ZNF212: variants seen among roughly 807,000 people sequenced by gnomAD.
ZNF212 encodes Zinc finger protein C2H2-150.
In ZNF212, 32 loss-of-function variants were observed where a neutral mutation model predicts 47.3. The ratio of observed to expected loss-of-function variants is 0.68; its 90% CI spans 0.51 to 0.91. The LOEUF is 0.91. Ranked by LOEUF, ZNF212 falls within the 40% of genes least tolerant of loss-of-function variation. The probability of loss-of-function intolerance (pLI) is 0.00; values close to 1 mark genes in which losing one functional copy is unlikely to be tolerated. For missense variants in ZNF212, 555 were observed against 622.8 expected (o/e 0.89, Z 1.16); for synonymous variants, 242 against 253.8 (o/e 0.95, Z 0.44).
intron 1 of ZNF212, 167 bp downstream of exon 1, chr7:149,239,969 C>T (rs1796563707): frequency 3.8e-6 from 3 of 781,696 alleles, no homozygotes; most frequent in East Asian, 6.7e-5. Flanking sequence ...GTGCTCTGCC[C>T]TTTTTTCCCT....
In ZNF212 at chr7:149,244,097, G is replaced by A. The variant is rs1159272136; in HGVS notation, c.24+4295G>A. ...ATTACAGTCATGTGCCACCACACCC[G>A]GCTAATTTTGTATTTTTAGTAGAGA... On this transcript the variant is annotated intron_variant, in intron 1 of 4. Transcript: ENST00000335870. Among the ~76,000 whole-genome samples the A allele has an allele frequency of 3.3e-5, 5 of 151,914 alleles. No individual in the cohort carries two copies. In the South Asian group the frequency reaches 6.2e-4, roughly 19 times the overall value.
At position 149,250,549 on chromosome 7, in the gene ZNF212, G is replaced by T; in HGVS notation, c.414+1G>T. On this transcript the variant is annotated splice_donor_variant, in intron 2 of 4. Coordinates refer to ENST00000335870, the MANE Select transcript of ZNF212 (RefSeq NM_012256.4). LOFTEE classifies it high-confidence loss of function. ...GGGCAGCAAGGGGGAGGCCCCCAAG[G>T]TAGTCTCATTGAGGATTAAAAGTTA... The T allele has an allele frequency of 6.2e-7, 1 of 1,610,170 alleles. No homozygotes were observed. Among genetic ancestry groups the T allele is most frequent in the Non-Finnish European group, 8.5e-7 (1 of 1,177,992 alleles).
chr7:149,248,615 A>G (rs956567129), intron 1 of ZNF212, among the ~76,000 whole-genome samples: 6 of 152,240 alleles, frequency 3.9e-5, no homozygotes, highest in African/African-American at 1.4e-4. Context: ...TCTCACCTAC[A>G]TTCCTGTCTA....
chr7:149,254,742 T>C lies in ZNF212; in HGVS notation c.*327T>C. 3.2e-6 allele frequency: 1 copy of C among 313,254 alleles called. No individual in the cohort carries two copies. The allele number at this position is 313,254 out of a possible 1,614,324, so 19.4% of individuals were successfully genotyped here. A position where few individuals can be genotyped will look rare whatever the true frequency, so the allele number is the denominator to read the frequency against. On this transcript the variant is annotated 3_prime_UTR_variant, in exon 5 of 5. Coordinates refer to ENST00000335870, the MANE Select transcript of ZNF212 (RefSeq NM_012256.4). The surrounding 1 kb of genome is among the most constrained non-coding windows in gnomAD (Gnocchi z 4.5). ...TGGTTCCAGGGCTCGTCCCGGCATT[T>C]CATGTCTTCCCACGGGGTTGAGTCG... is the stretch of plus-strand genomic sequence containing the variant.
At chr7:149,243,458 AAGAG>A (rs1164187178) in intron 1 of ZNF212, among the ~76,000 whole-genome samples, 65 of 144,442 alleles carry the variant, frequency 4.5e-4, no homozygotes, top group Admixed American at 5.6e-4. Context: ...AAAAAAAAAA[AAGAG>A]AGAGAGAGAG....
intron 1 of ZNF212, among the ~76,000 whole-genome samples, chr7:149,242,027 T>C (rs1296418553): frequency 5.6e-5 from 8 of 143,176 alleles, no homozygotes; most frequent in East Asian, 2.0e-4. Flanking sequence ...TTTTCTTTTT[T>C]TTTTTTTTTT....
intron 3 of ZNF212, chr7:149,251,126 C>T: frequency 3.6e-6 from 1 of 279,766 alleles, no homozygotes; most frequent in South Asian, 4.1e-5. Context: ...ATGTCATATA[C>T]CCTATAGTGT....
At chr7:149,243,286 G>A (rs1195738746) in intron 1 of ZNF212, among the ~76,000 whole-genome samples, 1 of 151,936 alleles carries the variant, frequency 6.6e-6, no homozygotes, top group Non-Finnish European at 1.5e-5. Context: ...CCAGCTTCTT[G>A]GGAGGCTGAG....
Position 149,250,455 on chromosome 7 carries a change from G to A in ZNF212, c.321G>A (p.Leu107=), listed in dbSNP as rs1796736191. Residue 107 remains leucine (L), a synonymous_variant, in exon 2 of 5, where the codon CTG becomes CTA. Transcript: ENST00000335870. ...CCCTGCTGCAGGAGTATGGGCTACT[G>A]CAGAGGCGGCTGGAGAACGTGGAGA... ...LGTLLQEYGL[L]QRRLENVENL... is the part of the protein sequence containing the mutation. 3.1e-6 allele frequency: 5 copies of A among 1,614,138 alleles called. No homozygotes were observed. The highest frequency in any genetic ancestry group is 4.2e-6 in the Non-Finnish European group (5 of 1,180,030).
Position 149,255,542 on chromosome 7 carries a change from C to T in ZNF212, c.*1127C>T, listed in dbSNP as rs1796826637. On this transcript the variant is annotated 3_prime_UTR_variant, in exon 5 of 5. Transcript: ENST00000335870. The stretch of plus-strand genomic sequence containing the variant: ...AGTGGGCTCTGGGGTCATATGTGAA[C>T]ATCCCCTTGGATGATTTGCGGTTGC... 6.5e-6 allele frequency: 1 copy of T among 153,530 alleles called. No individual in the cohort carries two copies. Among genetic ancestry groups the T allele is most frequent in the Non-Finnish European group, 1.5e-5 (1 of 68,010 alleles). The allele number at this position is 153,530 out of a possible 1,614,324, so 9.5% of individuals were successfully genotyped here.
chr7:149,244,462 G>A (rs1432954490), intron 1 of ZNF212, among the ~76,000 whole-genome samples: 2 of 151,936 alleles, frequency 1.3e-5, no homozygotes, highest in African/African-American at 4.8e-5. Context: ...GCAGGAGCCC[G>A]TCACCACGCC....
rs1351673688 is a variant in ZNF212, at chr7:149,250,445, A to G, written c.311A>G (p.Tyr104Cys). The change falls in exon 2 of 5, where the codon TAT becomes TGT. Residue 104 changes from tyrosine (Y) to cysteine (C), a missense_variant. By Grantham distance (194) the Tyr-to-Cys change is radical. Coordinates refer to ENST00000335870, the MANE Select transcript of ZNF212 (RefSeq NM_012256.4). ...WAVLGTLLQE[Y>C]GLLQRRLENV... is the part of the protein sequence containing the mutation. ...GTGCTGGGGACCCTGCTGCAGGAGTATGGGCTACTGCAGAGGCGGCTGGAG... is the reference window on the plus strand; with the variant it reads ...GTGCTGGGGACCCTGCTGCAGGAGTGTGGGCTACTGCAGAGGCGGCTGGAG... The G allele has an allele frequency of 6.2e-7, 1 of 1,614,122 alleles. No individual in the cohort carries two copies. Among genetic ancestry groups the G allele is most frequent in the East Asian group, 2.2e-5 (1 of 44,888 alleles).
intron 3 of ZNF212, among the ~76,000 whole-genome samples, chr7:149,252,019 A>G (rs896028714): frequency 2.0e-5 from 3 of 151,998 alleles, no homozygotes; most frequent in African/African-American, 7.3e-5. Flanking sequence ...AGGCTGATCA[A>G]AAGCATTTTC....
intron 1 of ZNF212, 24 bp downstream of exon 1, chr7:149,239,826 C>A: frequency 7.9e-7 from 1 of 1,271,560 alleles, no homozygotes; most frequent in Non-Finnish European, 1.0e-6. Flanking sequence ...GGCGCGCTGG[C>A]TCGAGGGCGC....
chr7:149,253,270 A>G (rs1359361910), intron 4 of ZNF212, among the ~76,000 whole-genome samples: 2 of 152,316 alleles, frequency 1.3e-5, no homozygotes. Context: ...GTATTCTGTC[A>G]TTTTTCACAG....
chr7:149,247,333 C>T (rs1796693296), intron 1 of ZNF212, among the ~76,000 whole-genome samples: 2 of 152,048 alleles, frequency 1.3e-5, no homozygotes, highest in Admixed American at 1.3e-4. Flanking sequence ...TGATCTTGAA[C>T]TCCTGGGCTC....
intron 4 of ZNF212, 136 bp downstream of exon 4, chr7:149,252,931 T>G (rs1295777916): frequency 7.4e-6 from 6 of 812,922 alleles, no homozygotes; most frequent in Non-Finnish European, 1.2e-5. Flanking sequence ...CCTTTATGAT[T>G]GTCGTTAGTT....
intron 1 of ZNF212, among the ~76,000 whole-genome samples, chr7:149,245,361 A>G (rs1156712338): frequency 1.5e-5 from 2 of 137,324 alleles, no homozygotes; most frequent in East Asian, 2.0e-4. Context: ...CCATCTCAGA[A>G]AAAAAAAAAA....
chr7:149,243,598 T>C (rs979169278), intron 1 of ZNF212, among the ~76,000 whole-genome samples: 16 of 152,222 alleles, frequency 1.1e-4, no homozygotes, highest in African/African-American at 3.6e-4. Context: ...GATAGAAGGC[T>C]CCTACTACTT....
Sources: allele counts gnomAD v4.1 joint callset (sites outside exome capture counted in the v4.1 genomes callset), GRCh38; gene constraint gnomAD v4.1.1; non-coding constraint Gnocchi (gnomAD v3.1); transcripts MANE v1.5; gene names NCBI Gene and HGNC (gene_info 2026-07-23, HGNC 2026-07-21).